The following CCSER1 variants were observed in gnomAD, a reference collection of about 807,000 sequenced individuals.
The protein encoded by CCSER1 is serine-rich coiled-coil domain-containing protein 1.
CCSER1 carries 41 observed loss-of-function variants against 82.0 expected under a neutral mutation model. That is an observed-to-expected ratio of 0.50 (90% confidence interval 0.39 to 0.65). CCSER1 has a LOEUF of 0.65. Ranked by LOEUF, CCSER1 falls within the 30% of genes least tolerant of loss-of-function variation. The pLI, the probability that CCSER1 is intolerant of heterozygous loss-of-function variation, is 0.00. For missense variants in CCSER1, 1,119 were observed against 1,064.2 expected (o/e 1.05, Z -0.72); for synonymous variants, 414 against 383.9 (o/e 1.08, Z -0.92).
chr4:91,178,310 G>A (rs989201504), intron 10 of CCSER1, among the ~76,000 whole-genome samples: 4 of 152,160 alleles, frequency 2.6e-5, no homozygotes, highest in African/African-American at 9.7e-5. Flanking sequence ...GGAGAGTTCT[G>A]TAGATGTCTA....
chr4:91,085,900 TATTTA>T, intron 9 of CCSER1, 45 bp from the exon 10 acceptor site: 1 of 1,010,296 alleles, frequency 9.9e-7, no homozygotes, highest in Non-Finnish European at 1.5e-6. Flanking sequence ...TATGAATTAT[TATTTA>T]ATTCTTCGTT....
At chr4:90,294,678 C>A (rs188774197) in intron 1 of CCSER1, among the ~76,000 whole-genome samples, 1 of 151,934 alleles carries the variant, frequency 6.6e-6, no homozygotes, top group African/African-American at 2.4e-5. Flanking sequence ...ATCTCATACT[C>A]CCTTATTTTG....
At chr4:91,005,246 T>A (rs1738398449) in intron 9 of CCSER1, among the ~76,000 whole-genome samples, 1 of 152,224 alleles carries the variant, frequency 6.6e-6, no homozygotes, top group South Asian at 2.1e-4. Context: ...TAAGGACAAG[T>A]CCTTCTGTCA....
In CCSER1 at chr4:90,838,221, T is replaced by A. The variant is rs945484956; in HGVS notation, c.2094+22376T>A. 4.0e-5 allele frequency among the ~76,000 whole-genome samples: 6 copies of A among 149,764 alleles called. No individual in the cohort carries two copies. The East Asian group carries it at 1.2e-3, about 29-fold the overall frequency. On this transcript the variant is annotated intron_variant, in intron 8 of 10. Transcript: ENST00000509176. ...TTTTAAAATATAAGAATATGAGTAC[T>A]TTTTTTTTAGTGAATGTGATCTTTA...
intron 1 of CCSER1, among the ~76,000 whole-genome samples, chr4:90,273,446 G>A (rs980092507): frequency 6.6e-6 from 1 of 152,068 alleles, no homozygotes; most frequent in African/African-American, 2.4e-5. Flanking sequence ...TACATTGTAT[G>A]CCTGTATCAG....
At chr4:91,140,925 G>A (rs890233645) in intron 10 of CCSER1, among the ~76,000 whole-genome samples, 1 of 152,052 alleles carries the variant, frequency 6.6e-6, no homozygotes, top group African/African-American at 2.4e-5. Context: ...AGTGAGAAGA[G>A]CATCCAATAG....
chr4:91,055,181 A>G (rs1743335990), intron 9 of CCSER1, among the ~76,000 whole-genome samples: 1 of 152,134 alleles, frequency 6.6e-6, no homozygotes, highest in Non-Finnish European at 1.5e-5. Flanking sequence ...CTTTATGGGT[A>G]CCATGGGGAT....
chr4:90,799,826 C>T (rs540128712), intron 7 of CCSER1, among the ~76,000 whole-genome samples: 1 of 152,358 alleles, frequency 6.6e-6, no homozygotes, highest in Non-Finnish European at 1.5e-5. Flanking sequence ...CTTTAAGCAT[C>T]TCTCCCTGCC....
intron 7 of CCSER1, chr4:90,724,568 C>T (rs1490398851): frequency 8.2e-6 from 2 of 245,334 alleles, no homozygotes; most frequent in Admixed American, 5.1e-5. Flanking sequence ...TGTTTTGCCA[C>T]TTAAGATTAG....
chr4:90,428,257 A>G (rs1367831561), intron 4 of CCSER1, among the ~76,000 whole-genome samples: 1 of 151,776 alleles, frequency 6.6e-6, no homozygotes, highest in Non-Finnish European at 1.5e-5. Context: ...TCCCTCTCCA[A>G]CAACATCAAC....
intron 4 of CCSER1, 22 bp from the exon 5 acceptor site, chr4:90,468,212 A>G: frequency 1.9e-6 from 3 of 1,576,848 alleles, no homozygotes; most frequent in Non-Finnish European, 2.6e-6. Flanking sequence ...GACATTTACA[A>G]TTCCTCGGTT....
intron 10 of CCSER1, chr4:91,319,210 G>T: frequency 5.3e-6 from 1 of 188,222 alleles, no homozygotes; most frequent in Non-Finnish European, 1.1e-5. Flanking sequence ...TATCACCTTC[G>T]AAGCAGAATA....
rs149687763 is a variant in CCSER1 at position 90,809,872 on chromosome 4, A to G, written c.2011-5890A>G. Among the ~76,000 whole-genome samples, 428 of 150,274 alleles carry G rather than the reference A, an allele frequency of 2.8e-3. 4 individuals carry two copies. The highest frequency in any genetic ancestry group is 0.023 in the South Asian group (108 of 4,778). ...GAGCCATTGCACTCCAGACTACTAG[A>G]CAGAGTGATACCCTGTCTCTAAATA... On this transcript the variant is annotated intron_variant, in intron 7 of 10. Coordinates refer to ENST00000509176, the MANE Select transcript of CCSER1 (RefSeq NM_001145065.2).
chr4:90,929,459 A>AT (rs1729459741), intron 9 of CCSER1, among the ~76,000 whole-genome samples: 4 of 152,216 alleles, frequency 2.6e-5, no homozygotes. Context: ...ATGTCTAAAC[A>AT]TAAGTGCCAA....
At chr4:91,580,894 C>A (rs548383054) in intron 10 of CCSER1, among the ~76,000 whole-genome samples, 1 of 151,592 alleles carries the variant, frequency 6.6e-6, no homozygotes, top group Admixed American at 6.6e-5. Context: ...CTTCATTTTA[C>A]AGATGAGGAA....
chr4:91,383,988 C>A (rs2149341906), intron 10 of CCSER1, among the ~76,000 whole-genome samples: 1 of 152,220 alleles, frequency 6.6e-6, no homozygotes, highest in Non-Finnish European at 1.5e-5. Flanking sequence ...GGGCTGTGAG[C>A]AAACCTGCAG....
chr4:90,833,237 C>T (rs764219525), intron 8 of CCSER1, among the ~76,000 whole-genome samples: 26 of 152,240 alleles, frequency 1.7e-4, no homozygotes, highest in South Asian at 1.2e-3. Flanking sequence ...GAAGAAAGGA[C>T]GAAGAGGGGC....
intron 10 of CCSER1, among the ~76,000 whole-genome samples, chr4:91,348,417 A>T (rs1279036195): frequency 6.6e-6 from 1 of 151,982 alleles, no homozygotes; most frequent in Non-Finnish European, 1.5e-5. Flanking sequence ...TTCCTGAGAG[A>T]TATTGGTCTA....
intron 10 of CCSER1, among the ~76,000 whole-genome samples, chr4:91,178,697 T>A (rs1733669394): frequency 6.6e-6 from 1 of 152,204 alleles, no homozygotes; most frequent in African/African-American, 2.4e-5. Flanking sequence ...AGCCTATGTG[T>A]GTCTCTGCAT....
Sources: allele counts gnomAD v4.1 joint callset (sites outside exome capture counted in the v4.1 genomes callset), GRCh38; gene constraint gnomAD v4.1.1; transcripts MANE v1.5; gene names NCBI Gene and HGNC (gene_info 2026-07-23, HGNC 2026-07-21).